NCOA1: variants seen among roughly 807,000 people sequenced by gnomAD.
NCOA1 encodes the protein Hin-2 protein.
Under a neutral mutation model 150.9 loss-of-function variants are expected in NCOA1, and 35 were observed. That is an observed-to-expected ratio of 0.23 (90% CI 0.18 to 0.31). NCOA1 has a LOEUF of 0.31. Ranked by LOEUF, NCOA1 falls within the 10% of genes least tolerant of loss-of-function variation. The pLI, the probability that NCOA1 is intolerant of heterozygous loss-of-function variation, is 1.00. For synonymous variants in NCOA1, 590 were observed against 630.0 expected (o/e 0.94, Z 0.95); for missense variants, 1,491 against 1,749.3 (o/e 0.85, Z 2.63).
chr2:24,707,708 T>C lies in NCOA1; in HGVS notation c.2238T>C (p.His746=). ...DASKKKESKD[H]QLLRYLLDKD... ...CAAAGAAAAAAGAATCAAAAGACCA[T>C]CAGCTCCTACGCTATCTTTTAGATA... The change falls in exon 13 of 23, where the codon CAT becomes CAC. Residue 746 remains histidine, a synonymous_variant. Transcript: ENST00000348332. 6.2e-7 allele frequency: 1 copy of C among 1,614,052 alleles called. No individual in the cohort carries two copies. Among genetic ancestry groups the C allele is most frequent in the Non-Finnish European group, 8.5e-7 (1 of 1,180,004 alleles).
chr2:24,746,857 A>T (rs887929021), intron 19 of NCOA1, among the ~76,000 whole-genome samples: 1 of 152,208 alleles, frequency 6.6e-6, no homozygotes, highest in Middle Eastern at 3.4e-3. Context: ...TAACCTATAG[A>T]CTCTGGGGTA....
chr2:24,692,005 TTTTTAG>T (rs767417583), intron 9 of NCOA1, among the ~76,000 whole-genome samples: 1 of 152,210 alleles, frequency 6.6e-6, no homozygotes, highest in African/African-American at 2.4e-5. Context: ...ACAGCTCTGA[TTTTTAG>T]AAAGTTTCAA....
At chr2:24,719,020 C>T (rs1674214012) in intron 14 of NCOA1, among the ~76,000 whole-genome samples, 1 of 110,288 alleles carries the variant, frequency 9.1e-6, no homozygotes, top group South Asian at 3.3e-4. Context: ...CAAAGTGAGA[C>T]TCTGTCCCAA....
At chr2:24,753,068 G>A (rs1165624722) in intron 20 of NCOA1, among the ~76,000 whole-genome samples, 2 of 152,194 alleles carry the variant, frequency 1.3e-5, no homozygotes, top group Admixed American at 6.5e-5. Context: ...TGAAAGGTGA[G>A]AGAAAATCTT....
intron 19 of NCOA1, among the ~76,000 whole-genome samples, chr2:24,746,994 A>G (rs1259736104): frequency 6.6e-6 from 1 of 152,200 alleles, no homozygotes; most frequent in Non-Finnish European, 1.5e-5. Context: ...AAGTTAGGAA[A>G]TCTCAGTACC....
intron 1 of NCOA1, among the ~76,000 whole-genome samples, chr2:24,504,405 A>G (rs547443031): frequency 1.1e-4 from 17 of 152,374 alleles, no homozygotes; most frequent in African/African-American, 4.1e-4. Context: ...GTCATAGGAT[A>G]CTACTTAAGG....
At position 24,693,327 on chromosome 2, in the gene NCOA1, T is replaced by C; in HGVS notation, c.788T>C (p.Met263Thr). ...GCTATTACGGGTGTAGAATCCTTTA[T>C]GACCAAGCAAGATACTACAGGTACT... Reference protein sequence around the residue: ...PPAITGVESFMTKQDTTGKII... With the variant: ...PPAITGVESFTTKQDTTGKII... The change falls in exon 10 of 23, where the codon ATG (methionine) becomes ACG (threonine). Residue 263 changes from methionine to threonine, a missense_variant. Transcript: ENST00000348332. The C allele has an allele frequency of 6.2e-7, 1 of 1,614,104 alleles. No individual in the cohort carries two copies. Among genetic ancestry groups the C allele is most frequent in the Non-Finnish European group, 8.5e-7 (1 of 1,179,944 alleles).
intron 1 of NCOA1, among the ~76,000 whole-genome samples, chr2:24,521,566 T>A (rs1240250432): frequency 6.6e-6 from 1 of 152,180 alleles, no homozygotes; most frequent in Non-Finnish European, 1.5e-5. Flanking sequence ...TTTACAGGAT[T>A]TTCTTCTTTT....
intron 10 of NCOA1, among the ~76,000 whole-genome samples, chr2:24,696,785 A>C (rs1672918028): frequency 6.6e-6 from 1 of 152,074 alleles, no homozygotes; most frequent in Non-Finnish European, 1.5e-5. Flanking sequence ...GTGACAAGGG[A>C]GGAGTGCACA....
chr2:24,722,793 TTGGGCAACATGGTGAAAAA>T (rs1325276048), intron 14 of NCOA1, among the ~76,000 whole-genome samples: 18 of 151,966 alleles, frequency 1.2e-4, no homozygotes, highest in Admixed American at 1.2e-3. Flanking sequence ...ATTTTTCAGC[TTGGGCAACATGGTGAAAAA>T]TGGGCAACAT....
chr2:24,593,349 G>T (rs921464846), intron 3 of NCOA1, among the ~76,000 whole-genome samples: 1 of 152,078 alleles, frequency 6.6e-6, no homozygotes, highest in African/African-American at 2.4e-5. Context: ...ACACTCTTAG[G>T]TTATACTGCT....
At chr2:24,710,721 C>T (rs1377327608) in intron 13 of NCOA1, among the ~76,000 whole-genome samples, 1 of 61,414 alleles carries the variant, frequency 1.6e-5, no homozygotes, top group East Asian at 5.6e-4. Context: ...TATATGAATA[C>T]TATTATCAGA....
intron 1 of NCOA1, among the ~76,000 whole-genome samples, chr2:24,505,669 T>C (rs1342212424): frequency 2.6e-5 from 4 of 152,200 alleles, no homozygotes; most frequent in African/African-American, 9.6e-5. Flanking sequence ...TTAATTTTTT[T>C]AGGTCATAGC....
intron 13 of NCOA1, 88 bp from the exon 14 acceptor site, chr2:24,710,843 T>C: frequency 8.0e-7 from 1 of 1,248,624 alleles, no homozygotes. Context: ...ACTGAATTCA[T>C]AGAGTTTAAA....
At chr2:24,761,280 G>C (rs1048936231) in intron 21 of NCOA1, among the ~76,000 whole-genome samples, 1 of 152,144 alleles carries the variant, frequency 6.6e-6, no homozygotes, top group African/African-American at 2.4e-5. Flanking sequence ...CTCTAGGTTT[G>C]GGGGCTTTCG....
intron 2 of NCOA1, among the ~76,000 whole-genome samples, chr2:24,569,601 G>T (rs1413121290): frequency 8.1e-6 from 1 of 123,560 alleles, no homozygotes; most frequent in Non-Finnish European, 1.6e-5. Context: ...GCTAGGTACG[G>T]TAGCTCAGGC....
chr2:24,640,639 C>G (rs1670172149), intron 3 of NCOA1, among the ~76,000 whole-genome samples: 1 of 152,152 alleles, frequency 6.6e-6, no homozygotes. Context: ...ATCTCTAAAA[C>G]AATTAAAAAT....
At chr2:24,624,095 G>C (rs1669295377) in intron 3 of NCOA1, among the ~76,000 whole-genome samples, 1 of 151,974 alleles carries the variant, frequency 6.6e-6, no homozygotes. Flanking sequence ...GGTAAAATTG[G>C]TGCCTTCTCA....
intron 5 of NCOA1, among the ~76,000 whole-genome samples, chr2:24,665,081 T>C (rs1049369038): frequency 6.6e-6 from 1 of 152,232 alleles, no homozygotes; most frequent in African/African-American, 2.4e-5. Context: ...GTTCTCATTA[T>C]TTTGCTTTAA....
Sources: allele counts gnomAD v4.1 joint callset (sites outside exome capture counted in the v4.1 genomes callset), GRCh38; gene constraint gnomAD v4.1.1; transcripts MANE v1.5; gene names NCBI Gene and HGNC (gene_info 2026-07-23, HGNC 2026-07-21).